INPP4A: variants seen among roughly 807,000 people sequenced by gnomAD.
INPP4A encodes inositol polyphosphate-4-phosphatase, type I, 107kD.
INPP4A carries 33 observed loss-of-function variants against 119.8 expected under a neutral mutation model. The ratio of observed to expected loss-of-function variants is 0.28; its 90% CI spans 0.21 to 0.37. The LOEUF is 0.37. Ranked by LOEUF, INPP4A falls within the 10% of genes least tolerant of loss-of-function variation. The probability of loss-of-function intolerance (pLI) is 1.00; values close to 1 mark genes in which losing one functional copy is unlikely to be tolerated. For synonymous variants in INPP4A, 496 were observed against 500.7 expected (o/e 0.99, Z 0.12); for missense variants, 956 against 1,289.9 (o/e 0.74, Z 3.97).
At chr2:98,519,863 G>C (rs1686857063) in intron 2 of INPP4A, 83 bp from the exon 3 acceptor site, 1 of 592,082 alleles carries the variant, frequency 1.7e-6, no homozygotes, top group South Asian at 2.0e-5. Context: ...CTCGCCCCCG[G>C]TAGGTCACGT....
chr2:98,529,793 C>T (rs1688864036), intron 4 of INPP4A, among the ~76,000 whole-genome samples: 1 of 152,026 alleles, frequency 6.6e-6, no homozygotes, highest in Admixed American at 6.5e-5. Flanking sequence ...AGAGGGTGAA[C>T]TTTATGATAT....
At chr2:98,445,781 A>G (rs115412739) in intron 1 of INPP4A, among the ~76,000 whole-genome samples, 216 of 152,330 alleles carry the variant, frequency 1.4e-3, no homozygotes, top group African/African-American at 5.0e-3. Flanking sequence ...CTCTGACATT[A>G]CATAATGATG....
chr2:98,577,425 A>T (rs1320601529), intron 24 of INPP4A, among the ~76,000 whole-genome samples: 1 of 152,188 alleles, frequency 6.6e-6, no homozygotes, highest in East Asian at 1.9e-4. Flanking sequence ...AGGCAGCTAA[A>T]CGGGAAGCTG....
At chr2:98,499,334 CAGT>C (rs1264359788) in intron 1 of INPP4A, among the ~76,000 whole-genome samples, 3 of 152,354 alleles carry the variant, frequency 2.0e-5, no homozygotes, top group South Asian at 2.1e-4. Context: ...TCCCCTCAAA[CAGT>C]GGTGGTGGAT....
At chr2:98,454,751 G>A (rs1695814514) in intron 1 of INPP4A, among the ~76,000 whole-genome samples, 1 of 126,356 alleles carries the variant, frequency 7.9e-6, no homozygotes, top group Non-Finnish European at 1.6e-5. Context: ...GAGAGGAGAA[G>A]GATGTGGGCG....
chr2:98,508,318 C>T (rs985261385), intron 1 of INPP4A, among the ~76,000 whole-genome samples: 4 of 152,204 alleles, frequency 2.6e-5, no homozygotes, highest in Non-Finnish European at 4.4e-5. Context: ...AAGGCACACC[C>T]AGCCTGCTTT....
Position 98,463,977 on chromosome 2 carries a change from G to A in INPP4A, c.-166+18892G>A, listed in dbSNP as rs183907411. Among the ~76,000 whole-genome samples the A allele has an allele frequency of 2.4e-3, 369 of 152,340 alleles. 2 individuals are homozygous for A. Among genetic ancestry groups the A allele is most frequent in the Non-Finnish European group, 4.5e-3 (303 of 68,030 alleles). On this transcript the variant is annotated intron_variant, in intron 1 of 24. Transcript: ENST00000409851. ...ACGGTCTCCACCCAGTGAACCTGGC[G>A]CTGGCAGAAGCTTGTAGAAGAATGG...
At chr2:98,479,948 C>G (rs1678069501) in intron 1 of INPP4A, among the ~76,000 whole-genome samples, 1 of 152,204 alleles carries the variant, frequency 6.6e-6, no homozygotes, top group South Asian at 2.1e-4. Context: ...AGACAGGAAG[C>G]TATTTTCTTA....
At position 98,568,628 on chromosome 2, in the gene INPP4A, T is replaced by C. The variant is rs767740321; in HGVS notation, c.2478T>C (p.Asn826=). 1 of 1,604,840 alleles carries C rather than the reference T, an allele frequency of 6.2e-7. No homozygotes were observed. The highest frequency in any genetic ancestry group is 8.5e-7 in the Non-Finnish European group (1 of 1,174,854). ...ACGTGGAGAGTTTGGTGCGGTTAAA[T>C]TCCTACTTTGAGCAGTTTAAGGAAG... ...VINVESLVRL[N]SYFEQFKEVL... The change falls in exon 22 of 25, where the codon AAT becomes AAC. Residue 826 remains asparagine (N), a synonymous_variant. Coordinates refer to ENST00000409851, the MANE Select transcript of INPP4A (RefSeq NM_001134225.2).
intron 8 of INPP4A, among the ~76,000 whole-genome samples, chr2:98,538,650 C>T (rs547392062): frequency 6.6e-6 from 1 of 152,222 alleles, no homozygotes; most frequent in African/African-American, 2.4e-5. Context: ...AGAACACTGA[C>T]ACACAAGGTG....
chr2:98,488,970 TG>T (rs1680128223), intron 1 of INPP4A, among the ~76,000 whole-genome samples: 2 of 151,460 alleles, frequency 1.3e-5, no homozygotes, highest in African/African-American at 4.9e-5. Flanking sequence ...TGTGTGTGTG[TG>T]TGTGTGTGTG....
At chr2:98,549,150 A>C (rs573216779) in intron 13 of INPP4A, among the ~76,000 whole-genome samples, 1 of 152,288 alleles carries the variant, frequency 6.6e-6, no homozygotes, top group South Asian at 2.1e-4. Context: ...ATGAATAGCC[A>C]ATCTTCAGTC....
chr2:98,554,475 C>A lies in INPP4A; in HGVS notation c.1552C>A (p.His518Asn). 1 of 1,613,432 alleles carries A rather than the reference C, an allele frequency of 6.2e-7. No homozygotes were observed. Among genetic ancestry groups the A allele is most frequent in the East Asian group, 2.2e-5 (1 of 44,882 alleles). Residue 518 changes from histidine (H) to asparagine (N), a missense_variant, in exon 15 of 25, where the codon CAC becomes AAC. His to Asn is a moderately conservative substitution (Grantham distance 68). Coordinates refer to ENST00000409851, the MANE Select transcript of INPP4A (RefSeq NM_001134225.2). This position sits in a 1 kb window ranked among gnomAD's most constrained non-coding sequence, Gnocchi z 4.7. ...CCGATCTTCCCTGCAGGTGGACTGGCACGAGGAGGAGTGGGTGAGTCTGCT... is the reference window on the plus strand; with the variant it reads ...CCGATCTTCCCTGCAGGTGGACTGGAACGAGGAGGAGTGGGTGAGTCTGCT... ...NSRSSLQVDW[H>N]EEEWEKVWLN...
chr2:98,544,384 CAG>C (rs1692104625), intron 11 of INPP4A, among the ~76,000 whole-genome samples: 1 of 152,198 alleles, frequency 6.6e-6, no homozygotes, highest in African/African-American at 2.4e-5. Flanking sequence ...GATGTACTAA[CAG>C]AAAGGATGTA....
At chr2:98,555,222 T>G (rs905718922) in intron 15 of INPP4A, among the ~76,000 whole-genome samples, 1 of 152,120 alleles carries the variant, frequency 6.6e-6, no homozygotes, top group South Asian at 2.1e-4. Flanking sequence ...GTGTGATGAT[T>G]GTAGGAAGTC....
At chr2:98,474,825 C>A (rs973959635) in intron 1 of INPP4A, among the ~76,000 whole-genome samples, 3 of 152,078 alleles carry the variant, frequency 2.0e-5, no homozygotes, top group Non-Finnish European at 4.4e-5. Context: ...GCACCAAACC[C>A]ATCTGGGGCC....
intron 1 of INPP4A, among the ~76,000 whole-genome samples, chr2:98,446,637 C>T (rs538216171): frequency 2.0e-5 from 3 of 152,318 alleles, no homozygotes; most frequent in Admixed American, 6.5e-5. Flanking sequence ...TGTGTTTCTA[C>T]TGAGCTCCTT....
chr2:98,558,925 A>C (rs894969538), intron 16 of INPP4A, among the ~76,000 whole-genome samples: 8 of 152,214 alleles, frequency 5.3e-5, no homozygotes, highest in Non-Finnish European at 1.0e-4. Flanking sequence ...AGATTGGCAT[A>C]GAGTTTTTTT....
chr2:98,529,690 C>T (rs190485861), intron 4 of INPP4A, among the ~76,000 whole-genome samples: 3 of 152,088 alleles, frequency 2.0e-5, no homozygotes, highest in East Asian at 3.9e-4. Context: ...GAGCTGAGAT[C>T]GCGCCACTGC....
Sources: gnomAD v4.1 joint callset for allele counts (sites outside exome capture counted in the v4.1 genomes callset) on GRCh38, gnomAD v4.1.1 for gene constraint, Gnocchi (gnomAD v3.1) non-coding constraint, MANE v1.5 for transcripts, NCBI Gene and HGNC (gene_info 2026-07-23, HGNC 2026-07-21) for gene names.